SLC14A2: variants seen among roughly 807,000 people sequenced by gnomAD.
SLC14A2 encodes the protein solute carrier family 14 member 2.
In SLC14A2, 91 loss-of-function variants were observed where a neutral mutation model predicts 104.6. The ratio of observed to expected loss-of-function variants is 0.87; its 90% confidence interval spans 0.73 to 1.04. The LOEUF is 1.04. SLC14A2 is among the 50% of genes least tolerant of loss of function. The probability of loss-of-function intolerance (pLI) is 0.00; values close to 1 mark genes in which losing one functional copy is unlikely to be tolerated. For missense variants in SLC14A2, 1,189 were observed against 1,156.0 expected (o/e 1.03, Z -0.41); for synonymous variants, 476 against 466.4 (o/e 1.02, Z -0.27).
intron 1 of SLC14A2, among the ~76,000 whole-genome samples, chr18:45,256,569 C>T (rs567581697): frequency 1.2e-4 from 18 of 152,286 alleles, no homozygotes; most frequent in African/African-American, 2.9e-4. Flanking sequence ...AAACTCAATT[C>T]GGTGGAAGGC....
chr18:45,219,405 G>A (rs1184590739), intron 1 of SLC14A2, among the ~76,000 whole-genome samples: 1 of 152,158 alleles, frequency 6.6e-6, no homozygotes, highest in Non-Finnish European at 1.5e-5. Context: ...ATAAGTGAAG[G>A]CAGTTAAGTC....
At chr18:45,461,349 T>C (rs1005355071) in intron 1 of SLC14A2, among the ~76,000 whole-genome samples, 4 of 152,196 alleles carry the variant, frequency 2.6e-5, no homozygotes, top group African/African-American at 9.7e-5. Context: ...CCTAGGTGGA[T>C]AGGAGCTGCC....
rs185374467 is a variant in SLC14A2 at position 45,233,625 on chromosome 18, A to G, written c.-125+20434A>G. Among the ~76,000 whole-genome samples the G allele has an allele frequency of 1.3e-3, 200 of 152,270 alleles. 2 individuals are homozygous for G. Among genetic ancestry groups the G allele is most frequent in the Non-Finnish European group, 2.0e-3 (138 of 68,000 alleles). ...GATTGGACAAGTGCTTAACATCCTCATTAAATTCCTAGTTTCCTTGGGCTT... is the reference window on the plus strand; with the variant it reads ...GATTGGACAAGTGCTTAACATCCTCGTTAAATTCCTAGTTTCCTTGGGCTT... On this transcript the variant is annotated intron_variant, in intron 1 of 20. Transcript: ENST00000586448.
At chr18:45,356,713 G>A (rs961785363) in intron 1 of SLC14A2, among the ~76,000 whole-genome samples, 52 of 152,226 alleles carry the variant, frequency 3.4e-4, no homozygotes, top group Non-Finnish European at 4.6e-4. Flanking sequence ...ATGGCTGGCG[G>A]TTACTAGAAT....
chr18:45,579,298 C>A (rs370365249), intron 2 of SLC14A2, among the ~76,000 whole-genome samples: 78 of 152,200 alleles, frequency 5.1e-4, no homozygotes, highest in African/African-American at 1.8e-3. Flanking sequence ...TTTTTGCAGT[C>A]TGTCATGGGG....
At position 45,517,643 on chromosome 18, in the gene SLC14A2, C is replaced by A. The variant is rs34543707; in HGVS notation, c.-35+34321C>A. Among the ~76,000 whole-genome samples the A allele has an allele frequency of 1.1e-3, 175 of 152,296 alleles. 1 individual carries two copies. Among genetic ancestry groups the A allele is most frequent in the Non-Finnish European group, 1.9e-3 (132 of 68,040 alleles). On this transcript the variant is annotated intron_variant, in intron 2 of 20. Coordinates refer to the SLC14A2 transcript ENST00000586448. ...CATGGCCAGGTCCAGTCTCACCCGG[C>A]GGTGAAGGCGGCCACCAATGCTTGG...
intron 1 of SLC14A2, among the ~76,000 whole-genome samples, chr18:45,275,380 C>T (rs2084691630): frequency 6.6e-6 from 1 of 152,148 alleles, no homozygotes; most frequent in South Asian, 2.1e-4. Context: ...TCAATAAGTA[C>T]TGAACGAATT....
intron 2 of SLC14A2, among the ~76,000 whole-genome samples, chr18:45,585,840 G>A (rs1017719188): frequency 5.3e-5 from 8 of 152,166 alleles, no homozygotes; most frequent in Non-Finnish European, 1.2e-4. Flanking sequence ...CAATGGCTCC[G>A]CGAGAGTCCT....
chr18:45,211,184 T>C (rs1173484007), upstream of SLC14A2, among the ~76,000 whole-genome samples: 1 of 152,220 alleles, frequency 6.6e-6, no homozygotes, highest in Non-Finnish European at 1.5e-5. Flanking sequence ...AGTTCACCTT[T>C]ATCATGCAGC....
intron 1 of SLC14A2, among the ~76,000 whole-genome samples, chr18:45,269,492 A>C (rs1440574101): frequency 2.6e-5 from 4 of 151,766 alleles, no homozygotes; most frequent in Non-Finnish European, 5.9e-5. Context: ...ATTCACTGAG[A>C]CTGCCTGAGT....
At chr18:45,578,499 C>A (rs189576006) in intron 2 of SLC14A2, among the ~76,000 whole-genome samples, 1 of 152,210 alleles carries the variant, frequency 6.6e-6, no homozygotes, top group Admixed American at 6.5e-5. Flanking sequence ...TGATCCAGGG[C>A]CCCCCAGGGA....
intron 1 of SLC14A2, among the ~76,000 whole-genome samples, chr18:45,372,427 G>A (rs1374744528): frequency 2.0e-5 from 3 of 152,120 alleles, no homozygotes; most frequent in Non-Finnish European, 4.4e-5. Context: ...ATCTAACATA[G>A]CTTCTTAGAT....
chr18:45,223,079 A>G (rs928142621), intron 1 of SLC14A2, among the ~76,000 whole-genome samples: 1 of 152,246 alleles, frequency 6.6e-6, no homozygotes, highest in African/African-American at 2.4e-5. Context: ...CTCTATGCTA[A>G]GGCATTATAG....
At chr18:45,227,940 A>T (rs2084136246) in intron 1 of SLC14A2, among the ~76,000 whole-genome samples, 1 of 152,208 alleles carries the variant, frequency 6.6e-6, no homozygotes, top group Non-Finnish European at 1.5e-5. Context: ...TTGCAGGAAA[A>T]AAAGGTTCTA....
rs113198314 is a variant in SLC14A2, at chr18:45,592,088, A to G, written c.-34-32543A>G. The stretch of plus-strand genomic sequence containing the variant: ...GTAATCACTGGGGTCAAGAAGAGTC[A>G]GCATCAAATCCCTCCCTTCCATCCT... On this transcript the variant is annotated intron_variant, in intron 2 of 20. Transcript: ENST00000586448. Among the ~76,000 whole-genome samples, 6 of 152,344 alleles carry G rather than the reference A, an allele frequency of 3.9e-5. 1 individual carries two copies. The highest frequency in any genetic ancestry group is 1.4e-4 in the African/African-American group (6 of 41,584).
At chr18:45,357,996 A>G (rs964094408) in intron 1 of SLC14A2, among the ~76,000 whole-genome samples, 1 of 152,228 alleles carries the variant, frequency 6.6e-6, no homozygotes, top group Non-Finnish European at 1.5e-5. Context: ...TTGATTGTGC[A>G]TATCTTCAGT....
chr18:45,201,827 A>T, the SLC14A2 span, among the ~76,000 whole-genome samples: 11 of 152,120 alleles, frequency 7.2e-5, no homozygotes, highest in African/African-American at 2.7e-4. Context: ...GAATGACCTT[A>T]TAAAATCATT....
At position 45,432,211 on chromosome 18, in the gene SLC14A2, G is replaced by A. The variant is rs72910717; in HGVS notation, c.-124-51022G>A. Among the ~76,000 whole-genome samples the A allele has an allele frequency of 5.6e-3, 846 of 152,190 alleles. 5 individuals are homozygous for A. The highest frequency in any genetic ancestry group is 0.017 in the South Asian group (82 of 4,814). On this transcript the variant is annotated intron_variant, in intron 1 of 20. Transcript: ENST00000586448. ...GAAAGGATAACAACACTCCCAGCAC[G>A]GAACCCTCCCCGTACAGTGTTCTGC... is the stretch of plus-strand genomic sequence containing the variant.
At chr18:45,456,576 C>G (rs1260395748) in intron 1 of SLC14A2, among the ~76,000 whole-genome samples, 1 of 152,188 alleles carries the variant, frequency 6.6e-6, no homozygotes, top group Non-Finnish European at 1.5e-5. Flanking sequence ...GGGGCCAGCT[C>G]TAAGAGAGCA....
Sources: gnomAD v4.1 joint callset for allele counts (sites outside exome capture counted in the v4.1 genomes callset) on GRCh38, gnomAD v4.1.1 for gene constraint, MANE v1.5 for transcripts, NCBI Gene and HGNC (gene_info 2026-07-23, HGNC 2026-07-21) for gene names.